ZFYVE9: variants seen among roughly 807,000 people sequenced by gnomAD.
ZFYVE9 encodes zinc finger FYVE domain-containing protein 9.
ZFYVE9 carries 43 observed loss-of-function variants against 126.7 expected under a neutral mutation model. The observed-to-expected ratio is 0.34, with a 90% CI of 0.27 to 0.44. ZFYVE9 has a LOEUF of 0.44. ZFYVE9 is among the 20% of genes least tolerant of loss of function. The pLI is 1.00. For missense variants in ZFYVE9, 1,476 were observed against 1,697.0 expected, an observed-to-expected ratio of 0.87 and a Z score of 2.29; for synonymous variants, 521 against 597.4, an observed-to-expected ratio of 0.87 and a Z score of 1.87.
intron 2 of ZFYVE9, among the ~76,000 whole-genome samples, chr1:52,231,829 G>T (rs979321932): frequency 6.6e-6 from 1 of 151,948 alleles, no homozygotes; most frequent in African/African-American, 2.4e-5. Context: ...GTTTCACCAC[G>T]TTGGCCAGGC....
At chr1:52,305,327 G>T (rs1646072453) in intron 13 of ZFYVE9, among the ~76,000 whole-genome samples, 1 of 152,192 alleles carries the variant, frequency 6.6e-6, no homozygotes, top group Non-Finnish European at 1.5e-5. Context: ...TACTCGGGAG[G>T]CTGAGGCAGG....
chr1:52,336,546 A>C (rs977639707), intron 15 of ZFYVE9, among the ~76,000 whole-genome samples: 1 of 151,760 alleles, frequency 6.6e-6, no homozygotes, highest in African/African-American at 2.4e-5. Context: ...TTTAGTAGAG[A>C]TGGGGTTCCA....
chr1:52,192,484 C>T (rs11205940), intron 1 of ZFYVE9, among the ~76,000 whole-genome samples: 112,136 of 152,120 alleles, frequency 0.74, 45,798 homozygotes, highest in Non-Finnish European at 0.9. Context: ...GTATTTGCTA[C>T]CTCCTTCCCT....
At chr1:52,300,847 T>C (rs1034400725) in intron 12 of ZFYVE9, among the ~76,000 whole-genome samples, 12 of 151,486 alleles carry the variant, frequency 7.9e-5, no homozygotes, top group African/African-American at 2.9e-4. Flanking sequence ...TTGAGTTTTG[T>C]TGTTTAGGTT....
rs998563734 is a variant in ZFYVE9 at position 52,222,766 on chromosome 1, G to T, written c.-37+6292G>T. ...GATTTCCTTCCTTTGACCATATGTC[G>T]GGATGGATTTGGCTTTCTTCCGAAG... On this transcript the variant is annotated intron_variant, in intron 2 of 18. Transcript: ENST00000287727. 2.6e-5 allele frequency among the ~76,000 whole-genome samples: 4 copies of T among 152,312 alleles called. 1 individual carries two copies. In the South Asian group the frequency reaches 8.3e-4, roughly 32 times the overall value.
chr1:52,224,003 T>A (rs1234127002), intron 2 of ZFYVE9, among the ~76,000 whole-genome samples: 2 of 152,032 alleles, frequency 1.3e-5, no homozygotes, highest in Non-Finnish European at 2.9e-5. Flanking sequence ...TCCAAAAGGG[T>A]CGTCTAACAG....
chr1:52,275,961 G>A (rs1312369353), intron 8 of ZFYVE9, among the ~76,000 whole-genome samples: 5 of 139,274 alleles, frequency 3.6e-5, no homozygotes, highest in Non-Finnish European at 7.5e-5. Flanking sequence ...AGGCTGGAGT[G>A]CAGTGGTACA....
chr1:52,306,187 A>G (rs1646083212), intron 13 of ZFYVE9, among the ~76,000 whole-genome samples: 1 of 152,156 alleles, frequency 6.6e-6, no homozygotes, highest in Non-Finnish European at 1.5e-5. Context: ...TCCATGCACC[A>G]GTCGGTGCAT....
At chr1:52,218,090 G>T (rs1166072820) in intron 2 of ZFYVE9, among the ~76,000 whole-genome samples, 1 of 152,152 alleles carries the variant, frequency 6.6e-6, no homozygotes, top group Admixed American at 6.5e-5. Context: ...ACCCTCCGCA[G>T]GACCCTGATG....
chr1:52,268,881 C>G (rs1422739174), intron 7 of ZFYVE9, among the ~76,000 whole-genome samples: 1 of 152,184 alleles, frequency 6.6e-6, no homozygotes, highest in African/African-American at 2.4e-5. Context: ...TCCACTTTAG[C>G]TAGCAGTCGG....
chr1:52,148,679 TTG>T, intron 1 of ZFYVE9, among the ~76,000 whole-genome samples: 1 of 151,096 alleles, frequency 6.6e-6, no homozygotes, highest in Non-Finnish European at 1.5e-5. Context: ...TCTTGCTCTG[TTG>T]CCCAGGCTGG....
chr1:52,198,834 T>C (rs575010613), intron 1 of ZFYVE9, among the ~76,000 whole-genome samples: 1 of 152,298 alleles, frequency 6.6e-6, no homozygotes, highest in East Asian at 1.9e-4. Flanking sequence ...CCTCCGCCAT[T>C]ATCAATATCC....
At chr1:52,180,885 G>C (rs1644693184) in intron 1 of ZFYVE9, among the ~76,000 whole-genome samples, 1 of 141,412 alleles carries the variant, frequency 7.1e-6, no homozygotes. Context: ...TGAGGCAGGA[G>C]AATCACTTGA....
Position 52,239,074 on chromosome 1 carries a change from C to T in ZFYVE9, c.1657C>T (p.Gln553Ter). The stretch of plus-strand genomic sequence containing the variant: ...AAATTATTTACATAATTTCTGTAGT[C>T]AAGTTCCATCAGTGCTTGGGCAATC... Reference protein sequence around the residue: ...KKNYLHNFCSQVPSVLGQSSP... With the variant: ...KKNYLHNFCS The change falls in exon 4 of 19, where the codon CAA becomes TAA. Residue 553 changes from glutamine to a stop codon, truncating the protein, a stop_gained. Coordinates refer to ENST00000287727, the MANE Select transcript of ZFYVE9 (RefSeq NM_004799.4). LOFTEE classifies it high-confidence loss of function. 6.2e-7 allele frequency: 1 copy of T among 1,614,086 alleles called. No homozygotes were observed. Among genetic ancestry groups the T allele is most frequent in the Non-Finnish European group, 8.5e-7 (1 of 1,179,992 alleles).
chr1:52,156,069 T>C (rs1644400447), intron 1 of ZFYVE9, among the ~76,000 whole-genome samples: 1 of 152,180 alleles, frequency 6.6e-6, no homozygotes, highest in Admixed American at 6.5e-5. Flanking sequence ...ATGCTTTGAG[T>C]CCAGATCTCT....
chr1:52,198,693 A>G (rs1241664328), intron 1 of ZFYVE9, among the ~76,000 whole-genome samples: 3 of 152,200 alleles, frequency 2.0e-5, no homozygotes, highest in South Asian at 2.1e-4. Context: ...GTAGTGATTC[A>G]TAACGCTGCT....
At chr1:52,278,463 A>G (rs180835659) in intron 8 of ZFYVE9, 29 bp from the exon 9 acceptor site, 21 of 1,613,790 alleles carry the variant, frequency 1.3e-5, no homozygotes, top group East Asian at 2.2e-5. Flanking sequence ...CCTTTAACCA[A>G]TCTATTACAT....
rs1646418639 is a variant in ZFYVE9 at position 52,339,797 on chromosome 1, C to G, written c.3834-329C>G. Among the ~76,000 whole-genome samples the G allele has an allele frequency of 2.0e-5, 3 of 152,210 alleles. 1 individual carries two copies. In the South Asian group the frequency reaches 6.2e-4, roughly 32 times the overall value. On this transcript the variant is annotated intron_variant, in intron 16 of 18. Transcript: ENST00000287727. ...GTGAAAACAAGATTGAGTGGGTGAC[C>G]ATGCATTCACTGAAAGAAGGGATAC...
Position 52,233,224 on chromosome 1 carries a change from A to T in ZFYVE9, c.18A>T (p.Gln6His). 1 of 1,583,122 alleles carries T rather than the reference A, an allele frequency of 6.3e-7. No homozygotes were observed. The highest frequency in any genetic ancestry group is 8.6e-7 in the Non-Finnish European group (1 of 1,162,054). ...CCTCACCGATGGAGAATTACTTCCA[A>T]GCAGAAGCTTACAACCTGGACAAGG... MENYF[Q>H]AEAYNLDKVL... The change falls in exon 3 of 19, where the codon CAA (glutamine) becomes CAT (histidine). Residue 6 changes from glutamine to histidine, a missense_variant. Coordinates refer to ENST00000287727, the MANE Select transcript of ZFYVE9 (RefSeq NM_004799.4).
Sources: gnomAD v4.1 joint callset for allele counts (sites outside exome capture counted in the v4.1 genomes callset) on GRCh38, gnomAD v4.1.1 for gene constraint, MANE v1.5 for transcripts, NCBI Gene and HGNC (gene_info 2026-07-23, HGNC 2026-07-21) for gene names.